SMARCD3: variants seen among roughly 807,000 people sequenced by gnomAD.
SMARCD3 encodes SWI/SNF related BAF chromatin remodeling complex subunit D3.
A neutral mutation model predicts 58.0 loss-of-function variants in SMARCD3; 14 were observed. The ratio of observed to expected loss-of-function variants is 0.24; its 90% confidence interval spans 0.16 to 0.38. The LOEUF (loss-of-function observed/expected upper bound fraction) is 0.38, where lower values mean the gene tolerates loss of function less well. Among genes scored for constraint, SMARCD3 ranks in the 10% least tolerant of loss-of-function variants. The pLI, the probability that SMARCD3 is intolerant of heterozygous loss-of-function variation, is 1.00. For missense variants in SMARCD3, 408 were observed against 636.9 expected, an observed-to-expected ratio of 0.64 and a Z score of 3.87; for synonymous variants, 253 against 253.8, an observed-to-expected ratio of 1.00 and a Z score of 0.03.
At chr7:151,258,811 C>T (rs1803796003) in intron 2 of SMARCD3, among the ~76,000 whole-genome samples, 1 of 152,068 alleles carries the variant, frequency 6.6e-6, no homozygotes, top group South Asian at 2.1e-4. Flanking sequence ...AGGTCCGTGC[C>T]AGCCCAGGAT....
upstream of SMARCD3, among the ~76,000 whole-genome samples, chr7:151,253,201 G>A (rs910344723): frequency 6.6e-6 from 1 of 152,176 alleles, no homozygotes; most frequent in Non-Finnish European, 1.5e-5. Context: ...AAGCAGACCC[G>A]CACCGAGTGA....
Position 151,245,918 on chromosome 7 carries a change from T to C in SMARCD3, c.79-247A>G. 2.7e-6 allele frequency: 1 copy of C among 364,426 alleles called. No homozygotes were observed. The highest frequency in any genetic ancestry group is 4.9e-6 in the Non-Finnish European group (1 of 204,538). 22.6% of individuals were successfully genotyped at this position (364,426 alleles called of 1,614,324 possible). A position where few individuals can be genotyped will look rare whatever the true frequency, so the allele number is the denominator to read the frequency against. ...CTGAAGCCAGGCACCGCACAGGGCA[T>C]TGCGAGCCTCGGGGCTGCGGAAGGT... is the stretch of plus-strand genomic sequence containing the variant. On this transcript the variant is annotated intron_variant, in intron 1 of 12. Coordinates refer to ENST00000262188, the MANE Select transcript of SMARCD3 (RefSeq NM_001003801.2). The surrounding 1 kb of genome is among the most constrained non-coding windows in gnomAD (Gnocchi z 6.2).
In SMARCD3 at chr7:151,242,455, C is replaced by G; in HGVS notation, c.579+26G>C. On this transcript the variant is annotated intron_variant, in intron 5 of 12. Coordinates refer to ENST00000262188, the MANE Select transcript of SMARCD3 (RefSeq NM_001003801.2). This position sits in a 1 kb window ranked among gnomAD's most constrained non-coding sequence, Gnocchi z 4.7. Reference sequence around the variant, plus strand: ...GCAGCCCATGCCCACCCCAGGACACCTGGAGAGACCTGGGCCGGGACGTAC... The same window carrying G: ...GCAGCCCATGCCCACCCCAGGACACGTGGAGAGACCTGGGCCGGGACGTAC... 6.2e-7 allele frequency: 1 copy of G among 1,609,846 alleles called. No individual in the cohort carries two copies. The highest frequency in any genetic ancestry group is 2.2e-5 in the East Asian group (1 of 44,826).
At chr7:151,248,743 GCCGCCGCCCGC>G, upstream of SMARCD3, 1 of 1,142,976 alleles carries the variant, frequency 8.7e-7, no homozygotes. The surrounding 1 kb of genome is among the most constrained non-coding windows in gnomAD (Gnocchi z 6.1). Flanking sequence ...GGCCCACGCC[GCCGCCGCCCGC>G]CCGCCGCCGC....
chr7:151,241,053 A>G lies in SMARCD3; in HGVS notation c.939+439T>C. On this transcript the variant is annotated intron_variant, in intron 8 of 12. Coordinates refer to ENST00000262188, the MANE Select transcript of SMARCD3 (RefSeq NM_001003801.2). The surrounding 1 kb of genome is among the most constrained non-coding windows in gnomAD (Gnocchi z 5.3). ...TGTTTTGGTGGAATTTTGCTCAATC[A>G]CTTTTGCAGCAATTTGATTTTCCTA... The G allele has an allele frequency of 4.2e-6, 1 of 237,628 alleles. No homozygotes were observed. The highest frequency in any genetic ancestry group is 5.9e-5 in the South Asian group (1 of 16,890). 14.7% of individuals were successfully genotyped at this position (237,628 alleles called of 1,614,324 possible).
chr7:151,274,192 T>C (rs1795265106), intron 2 of SMARCD3, among the ~76,000 whole-genome samples: 1 of 152,182 alleles, frequency 6.6e-6, no homozygotes. Flanking sequence ...GGGCTCCACA[T>C]ACCTTGAGGC....
Position 151,253,749 on chromosome 7 carries a change from G to GT in SMARCD3, c.40-8079_40-8078insA, listed in dbSNP as rs1360075657. 2.9e-4 allele frequency among the ~76,000 whole-genome samples: 44 copies of GT among 152,324 alleles called. No individual in the cohort carries two copies. In the South Asian group the frequency reaches 4.8e-3, roughly 16 times the overall value. ...CAGGCCTGGTCCCCATTTCTGCACG[G>GT]ACAGGGCTGGGCTGTGGGATGGTGT... On this transcript the variant is annotated intron_variant, in intron 2 of 13. Transcript: ENST00000356800.
At chr7:151,260,570 A>G (rs1297949009) in intron 2 of SMARCD3, among the ~76,000 whole-genome samples, 3 of 152,172 alleles carry the variant, frequency 2.0e-5, no homozygotes. Flanking sequence ...CTCACAACCA[A>G]GTGTAACTCC....
chr7:151,257,618 C>T (rs1367527078), intron 2 of SMARCD3, among the ~76,000 whole-genome samples: 2 of 152,124 alleles, frequency 1.3e-5, no homozygotes, highest in Non-Finnish European at 2.9e-5. Context: ...AGCCACTGCA[C>T]CCGGCAAAGT....
Position 151,239,087 on chromosome 7 carries a change from G to T in SMARCD3, c.*16C>A. ...ACACGGCTGAAAGTTCCGTCGTGCT[G>T]CTTATTTTTGGGCTCCTAGGTGTTG... On this transcript the variant is annotated 3_prime_UTR_variant, in exon 13 of 13. Coordinates refer to ENST00000262188, the MANE Select transcript of SMARCD3 (RefSeq NM_001003801.2). This position sits in a 1 kb window ranked among gnomAD's most constrained non-coding sequence, Gnocchi z 7.0. 1 of 1,613,644 alleles carries T rather than the reference G, an allele frequency of 6.2e-7. No individual in the cohort carries two copies. Among genetic ancestry groups the T allele is most frequent in the Non-Finnish European group, 8.5e-7 (1 of 1,179,540 alleles).
intron 10 of SMARCD3, 89 bp downstream of exon 10, chr7:151,240,023 C>T: frequency 1.5e-6 from 2 of 1,310,036 alleles, no homozygotes; most frequent in Non-Finnish European, 2.2e-6. Flanking sequence ...ACCCAGACTG[C>T]TCATCTGCAA....
chr7:151,258,806 C>T (rs936772766), intron 2 of SMARCD3, among the ~76,000 whole-genome samples: 10 of 152,026 alleles, frequency 6.6e-5, no homozygotes, highest in Non-Finnish European at 1.5e-5. Context: ...ACTCCAGGTC[C>T]GTGCCAGCCC....
Position 151,239,207 on chromosome 7 carries a change from C to G in SMARCD3, c.1399-51G>C, listed in dbSNP as rs1435590333. ...AGGTGTCAGTGTTCTGGTGAGTGAT[C>G]AGGACAATCCCACCTACTGACACCG... On this transcript the variant is annotated intron_variant, in intron 12 of 12. Coordinates refer to ENST00000262188, the MANE Select transcript of SMARCD3 (RefSeq NM_001003801.2). The surrounding 1 kb of genome is among the most constrained non-coding windows in gnomAD (Gnocchi z 7.0). 1.3e-6 allele frequency: 2 copies of G among 1,587,422 alleles called. No individual in the cohort carries two copies. The highest frequency in any genetic ancestry group is 2.7e-5 in the African/African-American group (2 of 74,324).
chr7:151,268,704 T>G (rs905081658), intron 2 of SMARCD3, among the ~76,000 whole-genome samples: 5 of 152,142 alleles, frequency 3.3e-5, no homozygotes. Flanking sequence ...GAGAGGATGA[T>G]GATTATAACA....
At chr7:151,249,622 C>A (rs1454023469), upstream of SMARCD3, among the ~76,000 whole-genome samples, 1 of 134,294 alleles carries the variant, frequency 7.4e-6, no homozygotes, top group Non-Finnish European at 1.5e-5. The surrounding 1 kb of genome is among the most constrained non-coding windows in gnomAD (Gnocchi z 4.8). Flanking sequence ...GTGGAGAGAA[C>A]GAGGCAAGCT....
chr7:151,256,932 T>C (rs1803719902), intron 2 of SMARCD3, among the ~76,000 whole-genome samples: 2 of 152,206 alleles, frequency 1.3e-5, no homozygotes, highest in Admixed American at 6.5e-5. Flanking sequence ...CCAAGGACAC[T>C]GCTCCAGCAA....
At chr7:151,262,439 G>C (rs1370649901) in intron 2 of SMARCD3, among the ~76,000 whole-genome samples, 4 of 152,202 alleles carry the variant, frequency 2.6e-5, no homozygotes, top group African/African-American at 9.7e-5. Context: ...GAAAAGCTGA[G>C]GTTTGGGAAC....
At chr7:151,275,434 G>T (rs555574784) in intron 1 of SMARCD3, among the ~76,000 whole-genome samples, 2 of 152,156 alleles carry the variant, frequency 1.3e-5, no homozygotes, top group Non-Finnish European at 2.9e-5. Context: ...AAGGCAGGGC[G>T]CAGGTGGGAG....
rs1411911182 is a variant in SMARCD3 at position 151,248,268 on chromosome 7, G to C, written c.78+217C>G. 1.5e-5 allele frequency among the ~76,000 whole-genome samples: 2 copies of C among 134,846 alleles called. No homozygotes were observed. The highest frequency in any genetic ancestry group is 5.3e-4 in the South Asian group (2 of 3,780). The allele number at this position is 134,846 out of a possible 152,430, so 88.5% of individuals were successfully genotyped here. ...CGCCCCTGACAAGAGCCATGCAAAC[G>C]CCTCCCTTCCCCGCCTCGCGTCAGA... On this transcript the variant is annotated intron_variant, in intron 1 of 12. Coordinates refer to ENST00000262188, the MANE Select transcript of SMARCD3 (RefSeq NM_001003801.2). This position sits in a 1 kb window ranked among gnomAD's most constrained non-coding sequence, Gnocchi z 6.1.
Sources: allele counts gnomAD v4.1 joint callset (sites outside exome capture counted in the v4.1 genomes callset), GRCh38; gene constraint gnomAD v4.1.1; non-coding constraint Gnocchi (gnomAD v3.1); transcripts MANE v1.5; gene names NCBI Gene and HGNC (gene_info 2026-07-23, HGNC 2026-07-21).